DYNC2H1: variants seen among roughly 807,000 people sequenced by gnomAD.
The protein encoded by DYNC2H1 is cytoplasmic dynein 2 heavy chain 1.
DYNC2H1 carries 410 observed loss-of-function variants against 570.0 expected under a neutral mutation model. The ratio of observed to expected loss-of-function variants is 0.72; its 90% CI spans 0.66 to 0.78. The LOEUF is 0.78. DYNC2H1 is among the 30% of genes least tolerant of loss of function. The probability of loss-of-function intolerance (pLI) is 0.00; values close to 1 mark genes in which losing one functional copy is unlikely to be tolerated. For synonymous variants in DYNC2H1, 1,688 were observed against 1,677.6 expected (o/e 1.01, Z -0.15); for missense variants, 4,865 against 5,046.4 (o/e 0.96, Z 1.09).
At chr11:103,373,690 G>A (rs1941272505) in intron 83 of DYNC2H1, among the ~76,000 whole-genome samples, 1 of 152,168 alleles carries the variant, frequency 6.6e-6, no homozygotes, top group Non-Finnish European at 1.5e-5. Flanking sequence ...TTCTATAAAT[G>A]TCTGTTAGGT....
chr11:103,126,170 G>T (rs1858988834), intron 12 of DYNC2H1, among the ~76,000 whole-genome samples: 2 of 152,050 alleles, frequency 1.3e-5, no homozygotes, highest in Admixed American at 6.6e-5. Context: ...ACCCTGTCAG[G>T]CATAGCATAG....
intron 85 of DYNC2H1, among the ~76,000 whole-genome samples, chr11:103,441,091 T>G (rs683387): frequency 0.53 from 80,981 of 151,964 alleles, 23,731 homozygotes; most frequent in African/African-American, 0.76. Flanking sequence ...CAAGTTTCTT[T>G]AAGGTGAAGC....
chr11:103,271,348 C>T (rs955540321), intron 70 of DYNC2H1, among the ~76,000 whole-genome samples: 1 of 152,100 alleles, frequency 6.6e-6, no homozygotes, highest in Admixed American at 6.5e-5. Flanking sequence ...GTTGAATGTG[C>T]ATAAAATTAT....
Position 103,177,804 on chromosome 11 carries a change from G to A in DYNC2H1, c.6123G>A (p.Val2041=), listed in dbSNP as rs1172752447. 2 of 1,610,406 alleles carry A rather than the reference G, an allele frequency of 1.2e-6. No homozygotes were observed. Among genetic ancestry groups the A allele is most frequent in the Non-Finnish European group, 1.7e-6 (2 of 1,178,620 alleles). Residue 2041 remains valine, a synonymous_variant, in exon 38 of 89, where the codon GTG becomes GTA. Coordinates refer to ENST00000375735, the MANE Select transcript of DYNC2H1 (RefSeq NM_001377.3). This position sits in a 1 kb window ranked among gnomAD's most constrained non-coding sequence, Gnocchi z 4.4. ...DGVLTNSARQ[V]VREPQDVSSW... ...TTTTGACAAATAGTGCTCGTCAAGTGGTTCGGGAACCTCAAGGTTAGTCTC... is the reference window on the plus strand; with the variant it reads ...TTTTGACAAATAGTGCTCGTCAAGTAGTTCGGGAACCTCAAGGTTAGTCTC...
intron 86 of DYNC2H1, 91 bp from the exon 87 acceptor site, chr11:103,456,184 T>G: frequency 1.1e-6 from 1 of 939,534 alleles, no homozygotes; most frequent in Non-Finnish European, 1.5e-6. Flanking sequence ...ATATTTTAAT[T>G]TTAAATAAAT....
intron 59 of DYNC2H1, among the ~76,000 whole-genome samples, chr11:103,225,803 G>A (rs1863778198): frequency 6.6e-6 from 1 of 152,044 alleles, no homozygotes; most frequent in African/African-American, 2.4e-5. Flanking sequence ...TGGTGGTATT[G>A]TGATGGGAAT....
chr11:103,255,575 T>C, intron 67 of DYNC2H1, 41 bp downstream of exon 67: 1 of 1,492,190 alleles, frequency 6.7e-7, no homozygotes, highest in Non-Finnish European at 8.9e-7. Context: ...TCGTATTACT[T>C]TTTTTTTAAT....
At chr11:103,235,527 A>G in intron 61 of DYNC2H1, 145 bp from the exon 62 acceptor site, 1 of 644,490 alleles carries the variant, frequency 1.6e-6, no homozygotes, top group Non-Finnish European at 2.3e-6. Context: ...GATCTTTTTG[A>G]TATTTTTACA....
rs187335184 is a variant in DYNC2H1, at chr11:103,277,307, T to C, written c.10696-3041T>C. ...TTTTAAAAATTTAGCTCCAATTTTATTTTAATGTGGGTAATTTCCTTCGGT... is the reference window on the plus strand; with the variant it reads ...TTTTAAAAATTTAGCTCCAATTTTACTTTAATGTGGGTAATTTCCTTCGGT... On this transcript the variant is annotated intron_variant, in intron 70 of 88. Transcript: ENST00000375735. The surrounding 1 kb of genome is among the most constrained non-coding windows in gnomAD (Gnocchi z 4.3). Among the ~76,000 whole-genome samples, 2 of 152,266 alleles carry C rather than the reference T, an allele frequency of 1.3e-5. No homozygotes were observed. The highest frequency in any genetic ancestry group is 2.4e-5 in the African/African-American group (1 of 41,574).
rs1865880071 is a variant in DYNC2H1, at chr11:103,275,666, T to A, written c.10696-4682T>A. ...TTCACTTACTATTGTACGTTTAAGG[T>A]TCTTTCATGTTTTTTTCATGGTGTA... On this transcript the variant is annotated intron_variant, in intron 70 of 88. Transcript: ENST00000375735. The surrounding 1 kb of genome is among the most constrained non-coding windows in gnomAD (Gnocchi z 4.8). 1.3e-5 allele frequency among the ~76,000 whole-genome samples: 2 copies of A among 152,278 alleles called. No individual in the cohort carries two copies. The highest frequency in any genetic ancestry group is 3.9e-4 in the East Asian group (2 of 5,188).
At chr11:103,431,779 G>A (rs113993852) in intron 84 of DYNC2H1, among the ~76,000 whole-genome samples, 7 of 152,138 alleles carry the variant, frequency 4.6e-5, no homozygotes, top group African/African-American at 1.7e-4. Context: ...GATGCTTAAA[G>A]AAATGGTAGT....
At chr11:103,116,751 A>G (rs746306764) in intron 5 of DYNC2H1, 37 bp downstream of exon 5, 2 of 1,546,086 alleles carry the variant, frequency 1.3e-6, no homozygotes, top group Middle Eastern at 1.7e-4. Flanking sequence ...AATTTTGAAA[A>G]CCTGTCTTAT....
In DYNC2H1 at chr11:103,303,178, T is replaced by G; in HGVS notation, c.11181T>G (p.Ile3727Met). The change falls in exon 76 of 89, where the codon ATT becomes ATG. Residue 3727 changes from isoleucine to methionine, a missense_variant. Ile to Met is a conservative substitution (Grantham distance 10). Around this residue, in one of 5 missense-constraint regions of DYNC2H1, gnomAD observed 2,401 missense variants for 2,454.6 expected, o/e 0.98. Transcript: ENST00000375735. ...TLEIEPILIIISPGADPSQEL... is the reference protein window; with the variant it reads ...TLEIEPILIIMSPGADPSQEL... ...AAATTGAACCCATCTTGATAATTATTTCTCCGGGTGCTGATCCTTCTCAGG... is the reference window on the plus strand; with the variant it reads ...AAATTGAACCCATCTTGATAATTATGTCTCCGGGTGCTGATCCTTCTCAGG... The G allele has an allele frequency of 6.2e-7, 1 of 1,612,680 alleles. No individual in the cohort carries two copies. The highest frequency in any genetic ancestry group is 8.5e-7 in the Non-Finnish European group (1 of 1,179,088).
chr11:103,284,942 G>A (rs1866286398), intron 73 of DYNC2H1, among the ~76,000 whole-genome samples: 1 of 152,280 alleles, frequency 6.6e-6, no homozygotes, highest in East Asian at 1.9e-4. Context: ...GGATTAATGT[G>A]TTTGGGAAAG....
rs1490480217 is a variant in DYNC2H1, at chr11:103,239,775, C to T, written c.9819+3236C>T. Among the ~76,000 whole-genome samples, 2 of 151,934 alleles carry T rather than the reference C, an allele frequency of 1.3e-5. No individual in the cohort carries two copies. The highest frequency in any genetic ancestry group is 2.4e-5 in the African/African-American group (1 of 41,354). ...TTATAAAATGTTTTTGCATTTGTCC[C>T]ATTTATAAGTATTGAAAATAGACAT... On this transcript the variant is annotated intron_variant, in intron 63 of 88. Coordinates refer to ENST00000375735, the MANE Select transcript of DYNC2H1 (RefSeq NM_001377.3). This position sits in a 1 kb window ranked among gnomAD's most constrained non-coding sequence, Gnocchi z 4.3.
At chr11:103,307,852 G>C (rs571948642) in intron 78 of DYNC2H1, 21 bp downstream of exon 78, 1 of 1,436,728 alleles carries the variant, frequency 7.0e-7, no homozygotes, top group Non-Finnish European at 9.6e-7. Context: ...TTAAAACTTG[G>C]ATCACCAGTT....
intron 80 of DYNC2H1, 89 bp from the exon 81 acceptor site, chr11:103,320,930 ATTAAATACAT>A (rs1938152269): frequency 1.2e-6 from 1 of 866,826 alleles, no homozygotes; most frequent in African/African-American, 1.7e-5. Flanking sequence ...ATTTAGTTGT[ATTAAATACAT>A]TTGGCTACAT....
chr11:103,246,051 A>G (rs1160586548), intron 65 of DYNC2H1, among the ~76,000 whole-genome samples: 1 of 152,040 alleles, frequency 6.6e-6, no homozygotes, highest in Non-Finnish European at 1.5e-5. Flanking sequence ...CTGATAACCT[A>G]TTGTCCCTCA....
chr11:103,173,669 A>G (rs1291876439), intron 35 of DYNC2H1, among the ~76,000 whole-genome samples: 2 of 152,244 alleles, frequency 1.3e-5, no homozygotes, highest in African/African-American at 4.8e-5. Context: ...TAGTAATAGA[A>G]ACTGACATTT....
Sources: allele counts gnomAD v4.1 joint callset (sites outside exome capture counted in the v4.1 genomes callset), GRCh38; gene constraint gnomAD v4.1.1; regional missense constraint gnomAD v4.1.1; non-coding constraint Gnocchi (gnomAD v3.1); transcripts MANE v1.5; gene names NCBI Gene and HGNC (gene_info 2026-07-23, HGNC 2026-07-21).